Variants in GRID1 observed in about 807,000 individuals in gnomAD.
GRID1 encodes the protein glutamate receptor ionotropic, delta-1.
Under a neutral mutation model 98.0 loss-of-function variants are expected in GRID1, and 28 were observed. That is an observed-to-expected ratio of 0.29 (90% CI 0.21 to 0.39). The LOEUF (loss-of-function observed/expected upper bound fraction) is 0.39. GRID1 is among the 10% of genes least tolerant of loss of function. GRID1 has a pLI of 1.00. For missense variants in GRID1, 1,111 were observed against 1,340.5 expected (o/e 0.83, Z 2.67); for synonymous variants, 553 against 538.5 (o/e 1.03, Z -0.37).
intron 12 of GRID1, among the ~76,000 whole-genome samples, chr10:85,698,569 A>G (rs1841418637): frequency 6.6e-6 from 1 of 152,220 alleles, no homozygotes; most frequent in Non-Finnish European, 1.5e-5. Context: ...TTCACCTGTT[A>G]GAAGATACCT....
At chr10:86,239,061 C>T (rs1846585142) in intron 2 of GRID1, among the ~76,000 whole-genome samples, 1 of 152,228 alleles carries the variant, frequency 6.6e-6, no homozygotes, top group African/African-American at 2.4e-5. Flanking sequence ...GCCACAGGCA[C>T]TCAACACTCC....
chr10:85,868,121 T>C (rs933916922), intron 6 of GRID1, among the ~76,000 whole-genome samples: 1 of 152,240 alleles, frequency 6.6e-6, no homozygotes, highest in African/African-American at 2.4e-5. Flanking sequence ...TGGGTAAAGA[T>C]GGTGGAACTA....
chr10:85,893,234 A>C (rs1272506807), intron 5 of GRID1, among the ~76,000 whole-genome samples: 1 of 152,188 alleles, frequency 6.6e-6, no homozygotes, highest in East Asian at 1.9e-4. Flanking sequence ...AAACTTCTTC[A>C]ACATGATAAA....
At chr10:85,894,168 C>T (rs1841246737) in intron 5 of GRID1, among the ~76,000 whole-genome samples, 1 of 152,104 alleles carries the variant, frequency 6.6e-6, no homozygotes, top group African/African-American at 2.4e-5. Context: ...AGAATAGATA[C>T]ACATACTGAA....
chr10:85,833,824 ATAAC>A lies in GRID1; in HGVS notation c.1233+20668_1233+20671del, dbSNP rs144849479. ...GGAAATTATGGAATTGAAATATAGA[ATAAC>A]TAAAACGAAACACTCACTGGATGAA... On this transcript the variant is annotated intron_variant, in intron 8 of 15. Transcript: ENST00000327946. Among the ~76,000 whole-genome samples, 872 of 152,358 alleles carry A rather than the reference ATAAC, an allele frequency of 5.7e-3. 8 individuals are homozygous for A. The highest frequency in any genetic ancestry group is 0.02 in the African/African-American group (820 of 41,586).
chr10:86,074,749 T>C (rs1843856651), intron 4 of GRID1, among the ~76,000 whole-genome samples: 3 of 152,202 alleles, frequency 2.0e-5, no homozygotes, highest in Admixed American at 2.0e-4. Context: ...AAGAGCACTC[T>C]GATGGAAAGG....
chr10:86,345,663 G>GCCTC (rs1351048805), intron 2 of GRID1, among the ~76,000 whole-genome samples: 3 of 152,170 alleles, frequency 2.0e-5, no homozygotes, highest in Admixed American at 6.5e-5. Flanking sequence ...ATCCCCACAG[G>GCCTC]CCTCTCTCCT....
At chr10:85,905,914 A>G (rs1243536246) in intron 5 of GRID1, among the ~76,000 whole-genome samples, 1 of 152,164 alleles carries the variant, frequency 6.6e-6, no homozygotes, top group Non-Finnish European at 1.5e-5. Flanking sequence ...TGATGATTAC[A>G]TTCAGTATAA....
At chr10:86,126,610 T>A (rs1265937188) in intron 4 of GRID1, among the ~76,000 whole-genome samples, 1 of 152,224 alleles carries the variant, frequency 6.6e-6, no homozygotes, top group Non-Finnish European at 1.5e-5. Context: ...ACAGTATATA[T>A]GCAATAAATC....
chr10:86,212,187 G>T (rs1846116559), intron 2 of GRID1, among the ~76,000 whole-genome samples: 1 of 152,138 alleles, frequency 6.6e-6, no homozygotes, highest in African/African-American at 2.4e-5. Context: ...CACGGTTCCT[G>T]GTGCCACCCC....
intron 2 of GRID1, among the ~76,000 whole-genome samples, chr10:86,357,440 C>T (rs1221080146): frequency 6.6e-6 from 1 of 152,218 alleles, no homozygotes; most frequent in Non-Finnish European, 1.5e-5. Flanking sequence ...CAGTTAAGTC[C>T]AACCTCCCAA....
At chr10:86,163,518 T>G (rs1845353704) in intron 3 of GRID1, among the ~76,000 whole-genome samples, 1 of 152,176 alleles carries the variant, frequency 6.6e-6, no homozygotes, top group Non-Finnish European at 1.5e-5. Flanking sequence ...ACCCGTTAAT[T>G]TGACGCATTT....
chr10:85,758,210 T>G (rs762935571), intron 8 of GRID1, among the ~76,000 whole-genome samples: 1 of 152,260 alleles, frequency 6.6e-6, no homozygotes, highest in Non-Finnish European at 1.5e-5. Context: ...ATTTTAATTA[T>G]CTTTTGCTGC....
intron 8 of GRID1, among the ~76,000 whole-genome samples, chr10:85,736,870 C>T (rs1301369304): frequency 1.3e-5 from 2 of 152,090 alleles, no homozygotes; most frequent in Non-Finnish European, 2.9e-5. Flanking sequence ...AACACAGCAC[C>T]TTGGAAGGAG....
At chr10:86,221,379 A>G (rs1846252021) in intron 2 of GRID1, among the ~76,000 whole-genome samples, 1 of 152,196 alleles carries the variant, frequency 6.6e-6, no homozygotes, top group South Asian at 2.1e-4. Flanking sequence ...AGGTTATCAA[A>G]TTGCCTCCCG....
chr10:85,763,301 A>G (rs1393074880), intron 8 of GRID1, among the ~76,000 whole-genome samples: 1 of 152,104 alleles, frequency 6.6e-6, no homozygotes, highest in Non-Finnish European at 1.5e-5. Flanking sequence ...TCCCAGATAC[A>G]TTTTCTCTTA....
At chr10:85,669,027 A>T (rs1238044120) in intron 12 of GRID1, among the ~76,000 whole-genome samples, 4 of 152,228 alleles carry the variant, frequency 2.6e-5, no homozygotes, top group Non-Finnish European at 5.9e-5. Context: ...ACATTATCCA[A>T]GTTAGAAATC....
intron 3 of GRID1, among the ~76,000 whole-genome samples, chr10:86,203,583 G>C (rs75141194): frequency 0.031 from 4,704 of 150,904 alleles, 156 homozygotes; most frequent in African/African-American, 0.058. Context: ...CTCAATGCTT[G>C]TCATATCAGG....
chr10:85,896,942 T>C lies in GRID1; in HGVS notation c.780+19244A>G, dbSNP rs544446463. Reference sequence around the variant, plus strand: ...CAAAGGAGAAGATTTGCATAAATTATGATTCCTCCAATGACAGAATACTAG... The same window carrying C: ...CAAAGGAGAAGATTTGCATAAATTACGATTCCTCCAATGACAGAATACTAG... On this transcript the variant is annotated intron_variant, in intron 5 of 15. Coordinates refer to ENST00000327946, the MANE Select transcript of GRID1 (RefSeq NM_017551.3). Among the ~76,000 whole-genome samples the C allele has an allele frequency of 1.6e-4, 25 of 152,326 alleles. No homozygotes were observed. The East Asian group carries it at 4.8e-3, about 29-fold the overall frequency.
Sources: allele counts gnomAD v4.1 joint callset (sites outside exome capture counted in the v4.1 genomes callset), GRCh38; gene constraint gnomAD v4.1.1; transcripts MANE v1.5; gene names NCBI Gene and HGNC (gene_info 2026-07-23, HGNC 2026-07-21).